Variants in ZNF804B observed in about 807,000 individuals in gnomAD.
ZNF804B encodes the protein zinc finger 804B.
A neutral mutation model predicts 101.4 loss-of-function variants in ZNF804B; 80 were observed. The ratio of observed to expected loss-of-function variants is 0.79; its 90% CI spans 0.66 to 0.95. The LOEUF is 0.95. Among genes scored for constraint, ZNF804B ranks in the 40% least tolerant of loss-of-function variants. ZNF804B has a pLI of 0.00. For synonymous variants in ZNF804B, 622 were observed against 558.8 expected, an observed-to-expected ratio of 1.11 and a Z score of -1.59; for missense variants, 1,673 against 1,561.9, an observed-to-expected ratio of 1.07 and a Z score of -1.20.
intron 1 of ZNF804B, among the ~76,000 whole-genome samples, chr7:88,824,587 G>T (rs537561042): frequency 2.0e-5 from 3 of 152,112 alleles, no homozygotes; most frequent in Non-Finnish European, 4.4e-5. Flanking sequence ...ACCTTATCTA[G>T]CACCTTCAAA....
At chr7:88,898,073 CTTTTTTTTTTTTTT>C (rs869050718) in intron 1 of ZNF804B, among the ~76,000 whole-genome samples, 60 of 56,600 alleles carry the variant, frequency 1.1e-3, no homozygotes, top group Middle Eastern at 0.017. Flanking sequence ...ACTTCTCCAT[CTTTTTTTTTTTTTT>C]TTTTTTTTTT....
chr7:89,294,659 TCC>T (rs1790350697), intron 2 of ZNF804B, among the ~76,000 whole-genome samples: 4 of 152,244 alleles, frequency 2.6e-5, no homozygotes, highest in Non-Finnish European at 5.9e-5. Flanking sequence ...ATAATTATTT[TCC>T]TGTCTCTGTT....
chr7:89,168,832 T>A (rs1791181248), intron 1 of ZNF804B, among the ~76,000 whole-genome samples: 1 of 152,094 alleles, frequency 6.6e-6, no homozygotes, highest in Non-Finnish European at 1.5e-5. Context: ...TAATTGATAC[T>A]TGTGAAGCTA....
intron 1 of ZNF804B, among the ~76,000 whole-genome samples, chr7:88,883,580 T>C (rs11767591): frequency 0.19 from 28,296 of 152,006 alleles, 2,830 homozygotes; most frequent in African/African-American, 0.28. Context: ...ACAAAATGTA[T>C]AGGAGCAAAC....
At chr7:89,300,220 T>C (rs993772995) in intron 2 of ZNF804B, among the ~76,000 whole-genome samples, 7 of 151,816 alleles carry the variant, frequency 4.6e-5, no homozygotes, top group African/African-American at 1.4e-4. Context: ...CCTCTTTATG[T>C]TGGCTTAAAA....
intron 1 of ZNF804B, among the ~76,000 whole-genome samples, chr7:88,838,044 AT>A (rs1562807640): frequency 6.6e-6 from 1 of 151,788 alleles, no homozygotes; most frequent in Non-Finnish European, 1.5e-5. Context: ...ACTTAAAAAA[AT>A]CTTTGGGATT....
At chr7:89,194,806 G>C (rs960173419) in intron 1 of ZNF804B, among the ~76,000 whole-genome samples, 2 of 150,912 alleles carry the variant, frequency 1.3e-5, no homozygotes, top group African/African-American at 4.9e-5. Flanking sequence ...GCTCTTTTTT[G>C]CTTCCATATG....
intron 1 of ZNF804B, among the ~76,000 whole-genome samples, chr7:88,927,806 A>C (rs1198451114): frequency 2.6e-5 from 4 of 151,994 alleles, no homozygotes; most frequent in African/African-American, 9.7e-5. Flanking sequence ...CTTCTCACCT[A>C]CCATTATATA....
intron 1 of ZNF804B, among the ~76,000 whole-genome samples, chr7:88,851,631 A>G (rs1220672359): frequency 1.3e-5 from 2 of 152,122 alleles, no homozygotes; most frequent in Non-Finnish European, 2.9e-5. Context: ...ATGTTGAAGG[A>G]ATTCTTAAGT....
chr7:88,886,851 G>T (rs538740055), intron 1 of ZNF804B, among the ~76,000 whole-genome samples: 1 of 151,426 alleles, frequency 6.6e-6, no homozygotes, highest in East Asian at 1.9e-4. Flanking sequence ...TATTGTAATT[G>T]CTTATAGTTG....
At chr7:88,953,344 G>A (rs77175028) in intron 1 of ZNF804B, among the ~76,000 whole-genome samples, 5 of 151,736 alleles carry the variant, frequency 3.3e-5, no homozygotes, top group Admixed American at 1.3e-4. Context: ...CTGCTCTAAT[G>A]TCACTTTCTC....
chr7:88,944,101 A>G lies in ZNF804B; in HGVS notation c.108+184017A>G, dbSNP rs560179029. Among the ~76,000 whole-genome samples the G allele has an allele frequency of 3.0e-4, 45 of 151,890 alleles. 1 individual carries two copies. The highest frequency in any genetic ancestry group is 1.0e-3 in the African/African-American group (42 of 41,516). On this transcript the variant is annotated intron_variant, in intron 1 of 3. Coordinates refer to ENST00000333190, the MANE Select transcript of ZNF804B (RefSeq NM_181646.5). ...TGTGTGTAGAAATATATTTTCCTTT[A>G]TGTTGAATAAAAATCCAGGAGATAT...
chr7:89,100,420 A>G (rs559530680), intron 1 of ZNF804B, among the ~76,000 whole-genome samples: 1 of 152,314 alleles, frequency 6.6e-6, no homozygotes, highest in East Asian at 1.9e-4. Flanking sequence ...TTTCTTGAGT[A>G]CTACCCCAAA....
intron 1 of ZNF804B, among the ~76,000 whole-genome samples, chr7:88,857,828 T>TTTTA: frequency 9.9e-6 from 1 of 101,404 alleles, no homozygotes; most frequent in Non-Finnish European, 1.8e-5. Flanking sequence ...TTTTCTTTTT[T>TTTTA]TTTTTTTTTT....
intron 1 of ZNF804B, among the ~76,000 whole-genome samples, chr7:88,927,801 C>A (rs1489819831): frequency 6.6e-6 from 1 of 152,110 alleles, no homozygotes; most frequent in East Asian, 1.9e-4. Flanking sequence ...ATTATCTTCT[C>A]ACCTACCATT....
At chr7:88,984,994 A>G (rs185060983) in intron 1 of ZNF804B, among the ~76,000 whole-genome samples, 1 of 152,220 alleles carries the variant, frequency 6.6e-6, no homozygotes, top group East Asian at 1.9e-4. Flanking sequence ...AAAGTAAAAA[A>G]TAAATAACTC....
chr7:89,291,607 A>G (rs1409635707), intron 2 of ZNF804B, among the ~76,000 whole-genome samples: 1 of 152,160 alleles, frequency 6.6e-6, no homozygotes, highest in African/African-American at 2.4e-5. Flanking sequence ...AGAATAAAAA[A>G]GGATGAAGCA....
At chr7:88,794,259 T>A in intron 1 of ZNF804B, 4 of 1,613,798 alleles carry the variant, frequency 2.5e-6, no homozygotes, top group South Asian at 1.1e-5. Context: ...TGTTTATAAA[T>A]GTTGCCGGGT....
intron 2 of ZNF804B, among the ~76,000 whole-genome samples, chr7:89,256,115 G>C (rs1033780706): frequency 2.0e-5 from 3 of 152,138 alleles, no homozygotes; most frequent in African/African-American, 7.2e-5. Flanking sequence ...GCATGGGTCT[G>C]CTTTGTGACC....
Sources: gnomAD v4.1 joint callset for allele counts (sites outside exome capture counted in the v4.1 genomes callset) on GRCh38, gnomAD v4.1.1 for gene constraint, MANE v1.5 for transcripts, NCBI Gene and HGNC (gene_info 2026-07-23, HGNC 2026-07-21) for gene names.